TMPRSS7: variants seen among roughly 807,000 people sequenced by gnomAD.
TMPRSS7 encodes transmembrane serine protease 7.
A neutral mutation model predicts 95.6 loss-of-function variants in TMPRSS7; 81 were observed. The observed-to-expected ratio is 0.85, with a 90% CI of 0.71 to 1.02. The LOEUF (loss-of-function observed/expected upper bound fraction) is 1.02. Ranked by LOEUF, TMPRSS7 falls within the 50% of genes least tolerant of loss-of-function variation. The pLI is 0.00. For synonymous variants in TMPRSS7, 364 were observed against 337.8 expected, an observed-to-expected ratio of 1.08 and a Z score of -0.85; for missense variants, 945 against 955.2, an observed-to-expected ratio of 0.99 and a Z score of 0.14.
Position 112,047,971 on chromosome 3 carries a change from C to A in TMPRSS7, c.959+4C>A. 6.2e-7 allele frequency: 1 copy of A among 1,608,372 alleles called. No homozygotes were observed. Among genetic ancestry groups the A allele is most frequent in the Non-Finnish European group, 8.5e-7 (1 of 1,174,838 alleles). On this transcript the variant is annotated splice_donor_region_variant and intron_variant, in intron 7 of 17. Coordinates refer to ENST00000452346, the Ensembl canonical transcript of TMPRSS7. ...TCCGGAGCAGCATCTTGTACAGGTA[C>A]GATGCAGGTACTCTTCTTGGTGGGT...
Position 112,078,436 on chromosome 3 carries a change from A to C in TMPRSS7, c.2225-306A>C, listed in dbSNP as rs191526335. On this transcript the variant is annotated intron_variant, in intron 16 of 17. Coordinates refer to ENST00000452346, the Ensembl canonical transcript of TMPRSS7. ...TAGATATTAGTAATAACTGTTGCTG[A>C]CTTACCATCCTACGGAAAACAGGAG... Among the ~76,000 whole-genome samples, 3 of 152,306 alleles carry C rather than the reference A, an allele frequency of 2.0e-5. No individual in the cohort carries two copies. In the East Asian group the frequency reaches 5.8e-4, roughly 29 times the overall value.
chr3:112,038,452 C>A, intron 2 of TMPRSS7, 131 bp downstream of exon 2: 1 of 599,194 alleles, frequency 1.7e-6, no homozygotes. Flanking sequence ...ACACCATTTC[C>A]AAAACTGGTG....
At chr3:112,050,551 G>C in intron 8 of TMPRSS7, 120 bp from the exon 9 acceptor site, 1 of 249,006 alleles carries the variant, frequency 4.0e-6, no homozygotes. Context: ...CAAAGTTTAA[G>C]AAATGTATAA....
chr3:112,074,800 A>T (rs2073692381), intron 14 of TMPRSS7, among the ~76,000 whole-genome samples: 1 of 152,176 alleles, frequency 6.6e-6, no homozygotes, highest in South Asian at 2.1e-4. Flanking sequence ...TCAATAACTA[A>T]TCTCCCACAT....
intron 14 of TMPRSS7, 142 bp downstream of exon 14, chr3:112,074,554 A>G: frequency 1.9e-6 from 1 of 527,694 alleles, no homozygotes; most frequent in Non-Finnish European, 3.3e-6. Flanking sequence ...TGACAAACTG[A>G]GTCTGAAATT....
chr3:112,072,106 G>A (rs1404369794), intron 13 of TMPRSS7, among the ~76,000 whole-genome samples: 4 of 152,208 alleles, frequency 2.6e-5, no homozygotes, highest in Admixed American at 6.5e-5. Flanking sequence ...GGTCTTTGAT[G>A]TTGGTGACTT....
At chr3:112,076,808 G>C (rs1576124226) in intron 15 of TMPRSS7, 68 bp from the exon 16 acceptor site, 1 of 1,557,808 alleles carries the variant, frequency 6.4e-7, no homozygotes. Flanking sequence ...ACTCTTTAGA[G>C]TGCTTGTTTG....
intron 9 of TMPRSS7, among the ~76,000 whole-genome samples, chr3:112,053,200 A>T (rs2073384621): frequency 6.6e-6 from 1 of 150,534 alleles, no homozygotes; most frequent in East Asian, 1.9e-4. Context: ...AAAAAACTCG[A>T]TGACTTAAGT....
exon 17 of TMPRSS7, chr3:112,078,811 C>T: frequency 6.2e-7 from 1 of 1,614,186 alleles, no homozygotes. Flanking sequence ...TGTGTTTCCA[C>T]CTACGGGATC....
intron 13 of TMPRSS7, among the ~76,000 whole-genome samples, chr3:112,068,137 A>G (rs891654964): frequency 5.1e-4 from 77 of 152,110 alleles, no homozygotes; most frequent in African/African-American, 1.8e-3. Flanking sequence ...ATGGTTGTAC[A>G]TGTGTGGTGT....
chr3:112,066,415 A>G, exon 13 of TMPRSS7: 1 of 1,613,986 alleles, frequency 6.2e-7, no homozygotes, highest in African/African-American at 1.3e-5. Flanking sequence ...TGCCTGCAAT[A>G]CCAGCTCCTT....
At position 112,078,894 on chromosome 3, in the gene TMPRSS7, T is replaced by C. The variant is rs1458349507; in HGVS notation, c.2361+16T>C. ...TGCCTGCAAAGTAAGTCATTGTACC[T>C]TTCCCTTGCCTAACATGTTGTGCTT... On this transcript the variant is annotated intron_variant, in intron 17 of 17. Coordinates refer to ENST00000452346, the Ensembl canonical transcript of TMPRSS7. 1 of 1,611,290 alleles carries C rather than the reference T, an allele frequency of 6.2e-7. No individual in the cohort carries two copies. The highest frequency in any genetic ancestry group is 1.7e-5 in the Admixed American group (1 of 59,896).
intron 10 of TMPRSS7, 123 bp from the exon 11 acceptor site, chr3:112,061,664 T>C: frequency 9.7e-7 from 1 of 1,032,074 alleles, no homozygotes; most frequent in East Asian, 2.6e-5. Context: ...TACCATTAGC[T>C]CTACCATACG....
chr3:112,077,006 G>C (rs751616249), exon 16 of TMPRSS7: 1 of 1,614,164 alleles, frequency 6.2e-7, no homozygotes, highest in South Asian at 1.1e-5. Flanking sequence ...TTATGATATT[G>C]CTTTGCTACA....
At chr3:112,067,033 A>G (rs1185749146) in intron 13 of TMPRSS7, among the ~76,000 whole-genome samples, 1 of 151,988 alleles carries the variant, frequency 6.6e-6, no homozygotes, top group African/African-American at 2.4e-5. Flanking sequence ...CCTGTGTCCA[A>G]GTGTTCTCAT....
exon 7 of TMPRSS7, chr3:112,047,846 A>G: frequency 6.2e-7 from 1 of 1,614,144 alleles, no homozygotes; most frequent in Middle Eastern, 1.6e-4. Flanking sequence ...GCTGGTGGCC[A>G]TAGTGGGCTA....
rs1291193681 is a variant in TMPRSS7 at position 112,068,294 on chromosome 3, TCTTGGCAATGCAGG to T, written c.1666+1795_1666+1808del. Among the ~76,000 whole-genome samples, 5 of 152,328 alleles carry T rather than the reference TCTTGGCAATGCAGG, an allele frequency of 3.3e-5. No individual in the cohort carries two copies. In the South Asian group the frequency reaches 1.0e-3, roughly 32 times the overall value. Reference sequence around the variant, plus strand: ...ACTTTGTTCTTTTGGCTTAGGATTGTCTTGGCAATGCAGGCTCTTTTTTGGTTCCATATGAACTT... The same window carrying T: ...ACTTTGTTCTTTTGGCTTAGGATTGTCTCTTTTTTGGTTCCATATGAACTT... On this transcript the variant is annotated intron_variant, in intron 13 of 17. Coordinates refer to ENST00000452346, the Ensembl canonical transcript of TMPRSS7.
chr3:112,075,385 T>A, exon 15 of TMPRSS7: 4 of 1,524,946 alleles, frequency 2.6e-6, no homozygotes, highest in Non-Finnish European at 3.5e-6. Context: ...TGGAGGGGGG[T>A]TGGCCGTGGC....
intron 1 of TMPRSS7, among the ~76,000 whole-genome samples, chr3:112,035,338 C>T (rs1264903570): frequency 1.3e-5 from 2 of 152,178 alleles, no homozygotes; most frequent in Non-Finnish European, 2.9e-5. Context: ...AAACCCAGTC[C>T]TCATTCCTGC....
Sources: gnomAD v4.1 joint callset for allele counts (sites outside exome capture counted in the v4.1 genomes callset) on GRCh38, gnomAD v4.1.1 for gene constraint, MANE v1.5 for transcripts, NCBI Gene and HGNC (gene_info 2026-07-23, HGNC 2026-07-21) for gene names.